Variants in DST observed in about 807,000 individuals in gnomAD.
DST encodes bullous pemphigoid antigen.
A neutral mutation model predicts 875.2 loss-of-function variants in DST; 253 were observed. The ratio of observed to expected loss-of-function variants is 0.29; its 90% confidence interval spans 0.26 to 0.32. DST has a LOEUF of 0.32. Ranked by LOEUF, DST falls within the 10% of genes least tolerant of loss-of-function variation. The pLI, the probability that DST is intolerant of heterozygous loss-of-function variation, is 1.00. For synonymous variants in DST, 3,124 were observed against 3,197.1 expected (o/e 0.98, Z 0.77); for missense variants, 8,287 against 9,111.6 (o/e 0.91, Z 3.68).
intron 58 of DST, among the ~76,000 whole-genome samples, chr6:56,559,371 T>C (rs1440012885): frequency 2.0e-5 from 3 of 152,080 alleles, no homozygotes; most frequent in East Asian, 3.9e-4. Flanking sequence ...GGAATCTCTA[T>C]AGTTGGATTA....
intron 61 of DST, among the ~76,000 whole-genome samples, chr6:56,543,622 T>C (rs1479699135): frequency 6.6e-6 from 1 of 152,234 alleles, no homozygotes; most frequent in South Asian, 2.1e-4. Context: ...ACATTCTCTA[T>C]TTTACAAAAT....
intron 78 of DST, among the ~76,000 whole-genome samples, chr6:56,503,370 C>A (rs778302246): frequency 9.9e-5 from 15 of 151,776 alleles, no homozygotes; most frequent in Non-Finnish European, 2.1e-4. Flanking sequence ...ATATTTCATG[C>A]CTGTATCAAA....
chr6:56,622,073 C>T (rs576055520), intron 36 of DST, among the ~76,000 whole-genome samples: 1 of 152,254 alleles, frequency 6.6e-6, no homozygotes, highest in South Asian at 2.1e-4. Flanking sequence ...AGCATTTTAT[C>T]TATTTAAATA....
In DST at chr6:56,779,660, GT is replaced by G. The variant is rs545328234; in HGVS notation, c.626-44372del. Among the ~76,000 whole-genome samples the G allele has an allele frequency of 1.9e-3, 285 of 150,242 alleles. 2 individuals are homozygous for G. Among genetic ancestry groups the G allele is most frequent in the African/African-American group, 6.6e-3 (269 of 40,806 alleles). Reference sequence around the variant, plus strand: ...ATAGGGAATCATTTCCCCATTTCTTGTTTTTGTCAGGTTTGTCAAAGATCAG... The same window carrying G: ...ATAGGGAATCATTTCCCCATTTCTTGTTTTGTCAGGTTTGTCAAAGATCAG... On this transcript the variant is annotated intron_variant, in intron 4 of 103. Coordinates refer to ENST00000680361, the MANE Select transcript of DST (RefSeq NM_001374736.1).
At chr6:56,774,836 T>C (rs1311255260) in intron 4 of DST, among the ~76,000 whole-genome samples, 1 of 151,512 alleles carries the variant, frequency 6.6e-6, no homozygotes, top group African/African-American at 2.4e-5. Context: ...CTACTAAAAA[T>C]ACAAAATTAG....
chr6:56,619,588 T>A, intron 36 of DST: 2 of 1,613,976 alleles, frequency 1.2e-6, no homozygotes, highest in Non-Finnish European at 1.7e-6. Context: ...CTCTTTGTAG[T>A]TTCCCTTTTT....
At chr6:56,914,278 G>A (rs1455129940) in intron 2 of DST, among the ~76,000 whole-genome samples, 1 of 152,158 alleles carries the variant, frequency 6.6e-6, no homozygotes, top group Non-Finnish European at 1.5e-5. Context: ...TTAAAAGAGG[G>A]TAGAAATTAC....
intron 5 of DST, among the ~76,000 whole-genome samples, chr6:56,718,932 T>C (rs1589142062): frequency 6.6e-6 from 1 of 152,130 alleles, no homozygotes; most frequent in South Asian, 2.1e-4. Flanking sequence ...GGGTACAAGG[T>C]TTCTTTTTGG....
At chr6:56,631,861 C>T in intron 29 of DST, 22 bp downstream of exon 29, 1 of 1,612,152 alleles carries the variant, frequency 6.2e-7, no homozygotes, top group Non-Finnish European at 8.5e-7. Context: ...AGTTTTTTTC[C>T]CAACATATTT....
At chr6:56,526,252 G>T in intron 69 of DST, 109 bp downstream of exon 69, 2 of 1,166,346 alleles carry the variant, frequency 1.7e-6, no homozygotes, top group East Asian at 2.6e-5. Context: ...CATTTTGGAA[G>T]CACAGCAAAT....
At chr6:56,625,394 T>C in intron 34 of DST, 130 bp from the exon 35 acceptor site, 1 of 672,974 alleles carries the variant, frequency 1.5e-6, no homozygotes, top group Non-Finnish European at 2.7e-6. Context: ...CACAGATCAT[T>C]AGAACCTAGA....
At chr6:56,918,112 G>T (rs926591047) in intron 2 of DST, among the ~76,000 whole-genome samples, 1 of 149,474 alleles carries the variant, frequency 6.7e-6, no homozygotes, top group African/African-American at 2.5e-5. Flanking sequence ...TTCAGGTTCA[G>T]GTGTACATTC....
intron 2 of DST, among the ~76,000 whole-genome samples, chr6:56,917,921 C>T (rs1479933177): frequency 1.3e-5 from 2 of 152,108 alleles, no homozygotes; most frequent in African/African-American, 2.4e-5. Flanking sequence ...AAAATTGCAA[C>T]CCTTTTTTGA....
intron 3 of DST, among the ~76,000 whole-genome samples, chr6:56,887,344 A>G (rs2127652257): frequency 6.6e-6 from 1 of 152,316 alleles, no homozygotes; most frequent in Non-Finnish European, 1.5e-5. Context: ...ATTGTAAGGC[A>G]TGGGATTTAG....
chr6:56,608,595 G>C lies in DST; in HGVS notation c.6033C>G (p.Val2011=), dbSNP rs780005247. ...TGTCCCTGTCAATCACCCCTTCTCT[G>C]ACAGCTTCTTCAACAGTCATTCTTT... ...SGQRMTVEEA[V]REGVIDRDTA... Residue 2011 remains valine (V), a synonymous_variant, in exon 40 of 104, where the codon GTC becomes GTG. Coordinates refer to ENST00000680361, the MANE Select transcript of DST (RefSeq NM_001374736.1). 6.2e-7 allele frequency: 1 copy of C among 1,613,340 alleles called. No homozygotes were observed. Among genetic ancestry groups the C allele is most frequent in the Non-Finnish European group, 8.5e-7 (1 of 1,179,674 alleles).
At chr6:56,694,038 CAT>C (rs558152876) in intron 9 of DST, among the ~76,000 whole-genome samples, 36 of 146,784 alleles carry the variant, frequency 2.5e-4, no homozygotes, top group East Asian at 3.9e-4. Flanking sequence ...TATGTGCATT[CAT>C]ATATATATAT....
chr6:56,661,305 A>T (rs1489909026), intron 10 of DST, among the ~76,000 whole-genome samples: 1 of 152,200 alleles, frequency 6.6e-6, no homozygotes, highest in Non-Finnish European at 1.5e-5. Flanking sequence ...AAACAGATAG[A>T]GTTACATATA....
intron 98 of DST, among the ~76,000 whole-genome samples, chr6:56,467,718 T>G (rs1308523021): frequency 6.6e-6 from 1 of 152,142 alleles, no homozygotes; most frequent in Non-Finnish European, 1.5e-5. Flanking sequence ...TCAAGTGTAA[T>G]GAATACAAAT....
chr6:56,847,605 C>A (rs573892885), intron 4 of DST, among the ~76,000 whole-genome samples: 1 of 152,288 alleles, frequency 6.6e-6, no homozygotes, highest in Admixed American at 6.5e-5. Flanking sequence ...CTTGTAGTTC[C>A]ATCCCTCTAA....
Sources: allele counts gnomAD v4.1 joint callset (sites outside exome capture counted in the v4.1 genomes callset), GRCh38; gene constraint gnomAD v4.1.1; transcripts MANE v1.5; gene names NCBI Gene and HGNC (gene_info 2026-07-23, HGNC 2026-07-21).